The following ARHGAP24 variants were observed in gnomAD, a reference collection of about 807,000 sequenced individuals.
The protein encoded by ARHGAP24 is Rho GTPase activating protein 24.
Under a neutral mutation model 76.4 loss-of-function variants are expected in ARHGAP24, and 50 were observed. The ratio of observed to expected loss-of-function variants is 0.65; its 90% confidence interval spans 0.52 to 0.83. The LOEUF (loss-of-function observed/expected upper bound fraction) is 0.83. Among genes scored for constraint, ARHGAP24 ranks in the 40% least tolerant of loss-of-function variants. ARHGAP24 has a pLI of 0.00. For missense variants in ARHGAP24, 930 were observed against 914.2 expected (o/e 1.02, Z -0.22); for synonymous variants, 345 against 323.3 (o/e 1.07, Z -0.72).
At chr4:85,625,249 C>T (rs1049309075) in intron 2 of ARHGAP24, among the ~76,000 whole-genome samples, 2 of 152,020 alleles carry the variant, frequency 1.3e-5, no homozygotes, top group African/African-American at 2.4e-5. Context: ...TTGAATGTGT[C>T]CCAGAGATTC....
chr4:85,631,154 G>T (rs1721145285), intron 2 of ARHGAP24, among the ~76,000 whole-genome samples: 1 of 152,122 alleles, frequency 6.6e-6, no homozygotes, highest in Non-Finnish European at 1.5e-5. Flanking sequence ...CATACTCTGA[G>T]ATAATTAAAA....
At chr4:85,510,773 C>T (rs1724249308) in intron 1 of ARHGAP24, among the ~76,000 whole-genome samples, 1 of 150,774 alleles carries the variant, frequency 6.6e-6, no homozygotes, top group African/African-American at 2.4e-5. Flanking sequence ...TCCTCCTCCT[C>T]CTCCTCCCCC....
rs1729348912 is a variant in ARHGAP24 at position 85,818,741 on chromosome 4, G to A, written c.268+96769G>A. Among the ~76,000 whole-genome samples the A allele has an allele frequency of 3.3e-5, 5 of 152,112 alleles. No individual in the cohort carries two copies. In the South Asian group the frequency reaches 1.0e-3, roughly 32 times the overall value. On this transcript the variant is annotated intron_variant, in intron 3 of 9. Transcript: ENST00000395184. Reference sequence around the variant, plus strand: ...ATATATTTTCATTGGAGAGAAATAGGGCTCCAATTTCAAATTTCTTCTCTA... The same window carrying A: ...ATATATTTTCATTGGAGAGAAATAGAGCTCCAATTTCAAATTTCTTCTCTA...
intron 1 of ARHGAP24, among the ~76,000 whole-genome samples, chr4:85,478,328 G>T (rs148841796): frequency 2.0e-5 from 3 of 152,334 alleles, no homozygotes; most frequent in Non-Finnish European, 2.9e-5. Flanking sequence ...TGTGAAGAGT[G>T]GAAGCCTCAC....
chr4:85,853,987 T>TA (rs995635410), intron 3 of ARHGAP24, among the ~76,000 whole-genome samples: 1 of 145,834 alleles, frequency 6.9e-6, no homozygotes, highest in Non-Finnish European at 1.5e-5. Context: ...AAACCCCAAT[T>TA]AGCCGGGCGT....
chr4:85,533,366 C>A (rs949068341), intron 1 of ARHGAP24, among the ~76,000 whole-genome samples: 4 of 152,142 alleles, frequency 2.6e-5, no homozygotes, highest in African/African-American at 9.7e-5. Context: ...ATTTTTTAGA[C>A]ATTTGCCTTT....
At chr4:85,834,014 C>T (rs11942819) in intron 3 of ARHGAP24, among the ~76,000 whole-genome samples, 5,786 of 152,046 alleles carry the variant, frequency 0.038, 323 homozygotes, top group African/African-American at 0.12. Flanking sequence ...TCACATATTA[C>T]GAAGTTTAGC....
At chr4:85,879,102 A>G (rs904385917) in intron 3 of ARHGAP24, among the ~76,000 whole-genome samples, 9 of 152,230 alleles carry the variant, frequency 5.9e-5, no homozygotes, top group Non-Finnish European at 1.0e-4. Flanking sequence ...GAAGACTTGT[A>G]TATATTTCAC....
At chr4:85,937,205 A>G (rs1250186201) in intron 4 of ARHGAP24, among the ~76,000 whole-genome samples, 1 of 152,176 alleles carries the variant, frequency 6.6e-6, no homozygotes, top group Admixed American at 6.6e-5. Flanking sequence ...AGTGGTAAGG[A>G]GCTTGGAGGT....
At chr4:85,881,458 G>T (rs975896790) in intron 3 of ARHGAP24, among the ~76,000 whole-genome samples, 2 of 12,566 alleles carry the variant, frequency 1.6e-4, no homozygotes, top group Non-Finnish European at 3.3e-4. Context: ...ACAGGGTTTT[G>T]TGTTTTTTTT....
chr4:85,494,836 C>T (rs1365604632), intron 1 of ARHGAP24, among the ~76,000 whole-genome samples: 1 of 151,616 alleles, frequency 6.6e-6, no homozygotes, highest in Non-Finnish European at 1.5e-5. Flanking sequence ...CGATGGCTCA[C>T]GCCTGTAATC....
At chr4:85,719,600 C>T (rs1377450036) in intron 2 of ARHGAP24, among the ~76,000 whole-genome samples, 3 of 152,164 alleles carry the variant, frequency 2.0e-5, no homozygotes, top group Non-Finnish European at 4.4e-5. Flanking sequence ...GGAGCATGGG[C>T]TTTTGAGTTC....
chr4:85,894,433 A>C (rs919097825), intron 3 of ARHGAP24, among the ~76,000 whole-genome samples: 25 of 152,194 alleles, frequency 1.6e-4, no homozygotes, highest in Non-Finnish European at 2.5e-4. Flanking sequence ...AAAGGTGTAT[A>C]GTCAACTCTC....
intron 2 of ARHGAP24, among the ~76,000 whole-genome samples, chr4:85,594,653 A>G (rs559880781): frequency 4.6e-5 from 7 of 152,210 alleles, no homozygotes; most frequent in African/African-American, 1.7e-4. Flanking sequence ...CTTTTGAATC[A>G]AGGAATAAAA....
chr4:85,649,317 C>A (rs72969007), intron 2 of ARHGAP24, among the ~76,000 whole-genome samples: 3,737 of 152,116 alleles, frequency 0.025, 171 homozygotes, highest in African/African-American at 0.086. Flanking sequence ...TTTAAAGACA[C>A]TATTCTATTT....
chr4:85,945,771 A>C (rs1445168007), intron 5 of ARHGAP24, among the ~76,000 whole-genome samples: 1 of 151,890 alleles, frequency 6.6e-6, no homozygotes, highest in East Asian at 1.9e-4. Flanking sequence ...AAAAAAAAAA[A>C]AAAAAAAATT....
chr4:85,985,904 A>G (rs1030223840), intron 8 of ARHGAP24, among the ~76,000 whole-genome samples: 6 of 152,226 alleles, frequency 3.9e-5, no homozygotes, highest in Non-Finnish European at 8.8e-5. Flanking sequence ...TCCAAGTGAA[A>G]TGGTTTTTTA....
chr4:85,480,818 A>G (rs78189517), intron 1 of ARHGAP24, among the ~76,000 whole-genome samples: 174 of 152,326 alleles, frequency 1.1e-3, no homozygotes, highest in Non-Finnish European at 2.0e-3. Context: ...CAATATGTGT[A>G]TCACAGATGT....
intron 3 of ARHGAP24, among the ~76,000 whole-genome samples, chr4:85,873,940 T>G (rs1236802894): frequency 6.6e-6 from 1 of 152,202 alleles, no homozygotes; most frequent in East Asian, 1.9e-4. Context: ...TAATAATATA[T>G]TTTTCATTAT....
Sources: gnomAD v4.1 joint callset for allele counts (sites outside exome capture counted in the v4.1 genomes callset) on GRCh38, gnomAD v4.1.1 for gene constraint, MANE v1.5 for transcripts, NCBI Gene and HGNC (gene_info 2026-07-23, HGNC 2026-07-21) for gene names.